The following ZDHHC8 variants were observed in gnomAD, a reference collection of about 807,000 sequenced individuals.
The protein encoded by ZDHHC8 is zDHHC palmitoyltransferase 8.
Under a neutral mutation model 61.2 loss-of-function variants are expected in ZDHHC8, and 24 were observed. The observed-to-expected ratio is 0.39, with a 90% CI of 0.28 to 0.55. ZDHHC8 has a LOEUF of 0.55. Among genes scored for constraint, ZDHHC8 ranks in the 20% least tolerant of loss-of-function variants. ZDHHC8 has a pLI of 0.60. For synonymous variants in ZDHHC8, 523 were observed against 492.5 expected (o/e 1.06, Z -0.82); for missense variants, 935 against 1,102.1 (o/e 0.85, Z 2.15).
chr22:20,144,642 T>C (rs977823118), intron 10 of ZDHHC8, among the ~76,000 whole-genome samples: 8 of 152,254 alleles, frequency 5.3e-5, no homozygotes, highest in African/African-American at 1.9e-4. Context: ...CCTGTTCAGC[T>C]TTTGTGGAGT....
Position 20,143,529 on chromosome 22 carries a change from C to A in ZDHHC8, c.1899C>A (p.Ser633Arg). The A allele has an allele frequency of 6.3e-7, 1 of 1,598,864 alleles. No individual in the cohort carries two copies. Among genetic ancestry groups the A allele is most frequent in the Non-Finnish European group, 8.5e-7 (1 of 1,177,314 alleles). The change falls in exon 10 of 11, where the codon AGC becomes AGA. Residue 633 changes from serine (S) to arginine (R), a missense_variant. This residue lies in a region of ZDHHC8 where 692 missense variants were observed against 731.4 expected (regional missense o/e 0.95). Transcript: ENST00000334554. ...AGACGTCACTGTCCTCGCTGTCCAG[C>A]TCCGTGAGCCGTGCACCGCGGACGT... is the stretch of plus-strand genomic sequence containing the variant. Reference protein sequence around the residue: ...ALQTSLSSLSSSVSRAPRTSS... With the variant: ...ALQTSLSSLSRSVSRAPRTSS...
rs749208789 is a variant in ZDHHC8 at position 20,143,115 on chromosome 22, C to T, written c.1485C>T (p.Ala495=). The T allele has an allele frequency of 6.2e-7, 1 of 1,612,288 alleles. No homozygotes were observed. The highest frequency in any genetic ancestry group is 8.5e-7 in the Non-Finnish European group (1 of 1,179,830). The part of the protein sequence containing the change: ...PGSPGGHACP[A]HPAVGVAGYH... ...CGCCTGGTGGCCACGCCTGCCCTGC[C>T]CACCCAGCAGTTGGCGTGGCCGGAT... is the stretch of plus-strand genomic sequence containing the variant. Residue 495 remains alanine (A), a synonymous_variant, in exon 10 of 11, where the codon GCC becomes GCT. Coordinates refer to ENST00000334554, the MANE Select transcript of ZDHHC8 (RefSeq NM_013373.4).
At position 20,131,889 on chromosome 22, in the gene ZDHHC8, A is replaced by AC; in HGVS notation, c.-55dup. The AC allele has an allele frequency of 2.9e-6, 1 of 348,960 alleles. No homozygotes were observed. Among genetic ancestry groups the AC allele is most frequent in the Non-Finnish European group, 4.0e-6 (1 of 251,494 alleles). The allele number at this position is 348,960 out of a possible 1,614,324, so 21.6% of individuals were successfully genotyped here. ...AGCCCGCCCGCCCGACCCCGGCCCG[A>AC]CCCCGGCCGGCCCTGCCCGCCCGGC... On this transcript the variant is annotated 5_prime_UTR_variant, in exon 1 of 11. Coordinates refer to ENST00000334554, the MANE Select transcript of ZDHHC8 (RefSeq NM_013373.4).
chr22:20,147,008 C>T lies in ZDHHC8; in HGVS notation c.*1608C>T, dbSNP rs949406195. The T allele has an allele frequency of 2.1e-6, 3 of 1,401,058 alleles. No homozygotes were observed. The Admixed American group carries it at 1.1e-4, about 50-fold the overall frequency. The allele number at this position is 1,401,058 out of a possible 1,614,324, so 86.8% of individuals were successfully genotyped here. A position where few individuals can be genotyped will look rare whatever the true frequency, so the allele number is the denominator to read the frequency against. ...CCTTTCTGCTTCTCTCTCACGGACGCCGCGGCCCGCAGGGGGCGGATTGGC... is the reference window on the plus strand; with the variant it reads ...CCTTTCTGCTTCTCTCTCACGGACGTCGCGGCCCGCAGGGGGCGGATTGGC... On this transcript the variant is annotated 3_prime_UTR_variant, in exon 11 of 11. Coordinates refer to ENST00000334554, the MANE Select transcript of ZDHHC8 (RefSeq NM_013373.4).
At position 20,139,455 on chromosome 22, in the gene ZDHHC8, A is replaced by G. The variant is rs755808158; in HGVS notation, c.227-23A>G. 3.7e-6 allele frequency: 6 copies of G among 1,611,054 alleles called. No homozygotes were observed. In the South Asian group the frequency reaches 6.6e-5, roughly 18 times the overall value. On this transcript the variant is annotated intron_variant, in intron 2 of 10. Transcript: ENST00000334554. Reference sequence around the variant, plus strand: ...TGCCAGGAAAGTCAACTTCCTGCTCACTGCCTGGCTCCTGGTCTGTAGCGG... The same window carrying G: ...TGCCAGGAAAGTCAACTTCCTGCTCGCTGCCTGGCTCCTGGTCTGTAGCGG...
chr22:20,138,408 A>G (rs559423588), intron 1 of ZDHHC8, among the ~76,000 whole-genome samples: 1 of 152,330 alleles, frequency 6.6e-6, no homozygotes, highest in East Asian at 1.9e-4. Context: ...AGGACCGGCA[A>G]GTCTCTTCAG....
intron 4 of ZDHHC8, 67 bp downstream of exon 4, chr22:20,139,959 A>T: frequency 1.3e-6 from 2 of 1,598,184 alleles, no homozygotes; most frequent in Non-Finnish European, 1.7e-6. Context: ...CACCAGGGAG[A>T]TTGAGCCTCA....
chr22:20,141,599 A>G, intron 9 of ZDHHC8, 69 bp downstream of exon 9: 1 of 1,356,072 alleles, frequency 7.4e-7, no homozygotes, highest in African/African-American at 1.4e-5. Flanking sequence ...CTCGCCCCAC[A>G]GCCTTCACCC....
intron 2 of ZDHHC8, 79 bp from the exon 3 acceptor site, chr22:20,139,399 G>T: frequency 6.2e-7 from 1 of 1,602,946 alleles, no homozygotes; most frequent in Non-Finnish European, 8.5e-7. Flanking sequence ...GATTCCTGGT[G>T]GGTGGGCTGG....
In ZDHHC8 at chr22:20,140,942, T is replaced by C. The variant is rs1568993628; in HGVS notation, c.824T>C (p.Leu275Pro). Residue 275 changes from leucine to proline, a missense_variant, in exon 7 of 11, where the codon CTG (leucine) becomes CCG (proline). Physicochemically the swap from Leu to Pro is moderately conservative, Grantham distance 98. Around this residue, in one of 3 missense-constraint regions of ZDHHC8, gnomAD observed 692 missense variants for 731.4 expected, o/e 0.95. Coordinates refer to ENST00000334554, the MANE Select transcript of ZDHHC8 (RefSeq NM_013373.4). ...LKPPFLRPELLDRAAPLKVKL... is the reference protein window; with the variant it reads ...LKPPFLRPELPDRAAPLKVKL... ...CCGCCTTTCCTTAGGCCTGAACTCC[T>C]GGACCGAGCTGCACCGCTCAAGGTC... The C allele has an allele frequency of 1.2e-6, 2 of 1,609,830 alleles. No individual in the cohort carries two copies. Among genetic ancestry groups the C allele is most frequent in the Non-Finnish European group, 8.5e-7 (1 of 1,179,978 alleles).
intron 9 of ZDHHC8, 65 bp downstream of exon 9, chr22:20,141,595 C>G: frequency 7.2e-7 from 1 of 1,385,884 alleles, no homozygotes; most frequent in Non-Finnish European, 9.9e-7. Context: ...GGAGCTCGCC[C>G]CACAGCCTTC....
intron 1 of ZDHHC8, among the ~76,000 whole-genome samples, chr22:20,137,246 G>T (rs2050429278): frequency 6.6e-6 from 1 of 152,224 alleles, no homozygotes. Flanking sequence ...TGGTGTGGGG[G>T]AGTCCAGGCT....
In ZDHHC8 at chr22:20,141,236, G is replaced by A. The variant is rs769807302; in HGVS notation, c.914G>A (p.Arg305Gln). 22 of 1,611,936 alleles carry A rather than the reference G, an allele frequency of 1.4e-5. No individual in the cohort carries two copies. Among genetic ancestry groups the A allele is most frequent in the Admixed American group, 1.2e-4 (7 of 59,954 alleles). ...GRSKSKGSLD[R>Q]LDEKPLDLGP... ...TCCCAGTCCAAGGGCAGCCTGGACC[G>A]GCTGGATGAGAAGCCACTGGACTTG... The change falls in exon 8 of 11, where the codon CGG (arginine) becomes CAG (glutamine). Residue 305 changes from arginine (R) to glutamine (Q), a missense_variant. Coordinates refer to ENST00000334554, the MANE Select transcript of ZDHHC8 (RefSeq NM_013373.4).
Position 20,147,578 on chromosome 22 carries a change from G to GT in ZDHHC8, c.*2178_*2179insT, listed in dbSNP as rs2050541293. The GT allele has an allele frequency of 2.7e-5, 6 of 223,534 alleles. No homozygotes were observed. The South Asian group carries it at 7.4e-4, about 28-fold the overall frequency. The allele number at this position is 223,534 out of a possible 1,614,324, so 13.8% of individuals were successfully genotyped here. A position where few individuals can be genotyped will look rare whatever the true frequency, so the allele number is the denominator to read the frequency against. On this transcript the variant is annotated 3_prime_UTR_variant, in exon 11 of 11. Coordinates refer to ENST00000334554, the MANE Select transcript of ZDHHC8 (RefSeq NM_013373.4). Reference sequence around the variant, plus strand: ...CCTCCGTGGGTTGGGCTGGGTGGGGGGGGGGTCTCAGGTTGCCCCTGAAGG... The same window carrying GT: ...CCTCCGTGGGTTGGGCTGGGTGGGGGTGGGGGTCTCAGGTTGCCCCTGAAGG...
Position 20,146,423 on chromosome 22 carries a change from C to A in ZDHHC8, c.*1023C>A, listed in dbSNP as rs900613530. Reference sequence around the variant, plus strand: ...TGTTTTTATATCTACATCTATATATCTATAATTTTATTAAAAAAAAGAAAA... The same window carrying A: ...TGTTTTTATATCTACATCTATATATATATAATTTTATTAAAAAAAAGAAAA... On this transcript the variant is annotated 3_prime_UTR_variant, in exon 11 of 11. Coordinates refer to ENST00000334554, the MANE Select transcript of ZDHHC8 (RefSeq NM_013373.4). 4.6e-5 allele frequency: 45 copies of A among 983,958 alleles called. No homozygotes were observed. In the African/African-American group the frequency reaches 7.3e-4, roughly 16 times the overall value. 61.0% of individuals were successfully genotyped at this position (983,958 alleles called of 1,614,324 possible). A position where few individuals can be genotyped will look rare whatever the true frequency, so the allele number is the denominator to read the frequency against.
intron 9 of ZDHHC8, 152 bp downstream of exon 9, chr22:20,141,682 C>T (rs2050472802): frequency 4.2e-6 from 3 of 709,084 alleles, no homozygotes; most frequent in African/African-American, 3.6e-5. Context: ...CCCCTCAGGG[C>T]TCTGCCTGGG....
chr22:20,146,628 G>C lies in ZDHHC8; in HGVS notation c.*1228G>C, dbSNP rs909248528. 6 of 1,004,098 alleles carry C rather than the reference G, an allele frequency of 6.0e-6. No individual in the cohort carries two copies. The African/African-American group carries it at 1.0e-4, about 17-fold the overall frequency. The allele number at this position is 1,004,098 out of a possible 1,614,324, so 62.2% of individuals were successfully genotyped here. On this transcript the variant is annotated 3_prime_UTR_variant, in exon 11 of 11. Transcript: ENST00000334554. ...GGCTGAGTCAGAGGCTTGGGAAGAG[G>C]GGGCGGCCGATGGTCTGTGGCTGGG...
chr22:20,136,418 C>T (rs2050420698), intron 1 of ZDHHC8, among the ~76,000 whole-genome samples: 1 of 152,224 alleles, frequency 6.6e-6, no homozygotes, highest in South Asian at 2.1e-4. Flanking sequence ...CCTTGTGTGT[C>T]CTCCCGTGTT....
intron 1 of ZDHHC8, among the ~76,000 whole-genome samples, chr22:20,135,355 G>T (rs1241140495): frequency 2.0e-5 from 3 of 152,154 alleles, no homozygotes; most frequent in Non-Finnish European, 4.4e-5. Flanking sequence ...AGACCCCTAG[G>T]CCAGGCTCCC....
Sources: allele counts gnomAD v4.1 joint callset (sites outside exome capture counted in the v4.1 genomes callset), GRCh38; gene constraint gnomAD v4.1.1; regional missense constraint gnomAD v4.1.1; transcripts MANE v1.5; gene names NCBI Gene and HGNC (gene_info 2026-07-23, HGNC 2026-07-21).